QTRT2: variants seen among roughly 807,000 people sequenced by gnomAD.
QTRT2 encodes the protein queuine tRNA-ribosyltransferase domain containing 1.
QTRT2 carries 32 observed loss-of-function variants against 44.8 expected under a neutral mutation model. The observed-to-expected ratio is 0.71, with a 90% CI of 0.54 to 0.96. QTRT2 has a LOEUF of 0.96. QTRT2 is among the 40% of genes least tolerant of loss of function. QTRT2 has a pLI of 0.00. For missense variants in QTRT2, 461 were observed against 503.1 expected (o/e 0.92, Z 0.80); for synonymous variants, 182 against 187.4 (o/e 0.97, Z 0.24).
intron 8 of QTRT2, among the ~76,000 whole-genome samples, chr3:114,081,716 G>A (rs1363016643): frequency 6.6e-6 from 1 of 152,148 alleles, no homozygotes. Context: ...GGGATTACAG[G>A]CATGAGCCAC....
At chr3:114,075,270 G>T (rs1051374717) in intron 6 of QTRT2, among the ~76,000 whole-genome samples, 1 of 151,992 alleles carries the variant, frequency 6.6e-6, no homozygotes, top group Non-Finnish European at 1.5e-5. Context: ...TTCCAATTTT[G>T]CATTACCTTA....
intron 6 of QTRT2, among the ~76,000 whole-genome samples, chr3:114,075,247 G>C (rs191230076): frequency 1.1e-3 from 175 of 152,228 alleles, no homozygotes; most frequent in African/African-American, 3.9e-3. Context: ...GGGCAAAAAT[G>C]GTATCTCGTT....
chr3:114,076,442 G>A (rs1394149406), intron 6 of QTRT2, among the ~76,000 whole-genome samples: 3 of 152,180 alleles, frequency 2.0e-5, no homozygotes, highest in Non-Finnish European at 4.4e-5. Flanking sequence ...AAAGTGCTGG[G>A]ATTACAGGCC....
chr3:114,064,391 G>A (rs190083043), intron 2 of QTRT2, among the ~76,000 whole-genome samples: 14 of 152,258 alleles, frequency 9.2e-5, no homozygotes, highest in Admixed American at 6.5e-4. Flanking sequence ...ACATTTAGCC[G>A]ATGATGTGTG....
At chr3:114,058,186 A>G (rs942799774) in intron 2 of QTRT2, among the ~76,000 whole-genome samples, 3 of 152,346 alleles carry the variant, frequency 2.0e-5, no homozygotes, top group South Asian at 4.1e-4. Context: ...GTTAGTTGCT[A>G]TTATTGTCTT....
At chr3:114,062,754 G>A (rs1213840141) in intron 2 of QTRT2, among the ~76,000 whole-genome samples, 3 of 152,132 alleles carry the variant, frequency 2.0e-5, no homozygotes, top group Non-Finnish European at 4.4e-5. Flanking sequence ...AGAAACGAGA[G>A]CATAAATTTG....
chr3:114,076,673 A>G (rs2077094792), intron 6 of QTRT2, 70 bp from the exon 7 acceptor site: 1 of 1,463,348 alleles, frequency 6.8e-7, no homozygotes, highest in Non-Finnish European at 9.6e-7. Flanking sequence ...TTGGACTTCC[A>G]TGTAAGGTTC....
Position 114,066,296 on chromosome 3 carries a change from T to C in QTRT2, c.256+13T>C. ...GGAAAGTTTATAGGTAAAAATTAAG[T>C]TACTTATATGTGCCTTGTGATGTGT... On this transcript the variant is annotated intron_variant, in intron 4 of 9. Transcript: ENST00000281273. The C allele has an allele frequency of 1.3e-6, 2 of 1,520,174 alleles. No homozygotes were observed. The highest frequency in any genetic ancestry group is 9.1e-7 in the Non-Finnish European group (1 of 1,095,936). 94.2% of individuals were successfully genotyped at this position (1,520,174 alleles called of 1,614,324 possible).
At chr3:114,075,033 A>G (rs1386197233) in intron 6 of QTRT2, among the ~76,000 whole-genome samples, 2 of 152,200 alleles carry the variant, frequency 1.3e-5, no homozygotes, top group African/African-American at 4.8e-5. Flanking sequence ...GCACATGTGA[A>G]TGAGTATAGG....
chr3:114,083,849 G>T (rs2077199646), intron 9 of QTRT2, among the ~76,000 whole-genome samples: 1 of 151,596 alleles, frequency 6.6e-6, no homozygotes, highest in Non-Finnish European at 1.5e-5. Context: ...TTTTTTTTCT[G>T]TCATCCACTG....
rs148656148 is a variant in QTRT2 at position 114,071,639 on chromosome 3, A to G, written c.546+801A>G. Among the ~76,000 whole-genome samples, 1,032 of 152,116 alleles carry G rather than the reference A, an allele frequency of 6.8e-3. 10 individuals carry two copies. The highest frequency in any genetic ancestry group is 7.8e-3 in the Non-Finnish European group (529 of 67,988). On this transcript the variant is annotated intron_variant, in intron 6 of 9. Transcript: ENST00000281273. ...TTCAAGACTCCTTTTTTTCATTCAC[A>G]TTTAATATCCCACTGTTCACTCTTC...
intron 8 of QTRT2, among the ~76,000 whole-genome samples, chr3:114,082,311 G>C (rs528328482): frequency 6.6e-6 from 1 of 151,466 alleles, no homozygotes; most frequent in South Asian, 2.1e-4. Context: ...GTGTACTCCT[G>C]ACCTCAGGCA....
intron 5 of QTRT2, 78 bp downstream of exon 5, chr3:114,068,141 G>A: frequency 1.8e-6 from 2 of 1,110,980 alleles, no homozygotes; most frequent in Non-Finnish European, 1.4e-6. Flanking sequence ...CAGATGCTCA[G>A]ATCCCACTGT....
At chr3:114,068,162 C>T (rs1157445793) in intron 5 of QTRT2, 99 bp downstream of exon 5, 1 of 925,374 alleles carries the variant, frequency 1.1e-6, no homozygotes, top group Admixed American at 1.8e-5. Context: ...CTGGGATGAT[C>T]CCTTATACCT....
intron 8 of QTRT2, 30 bp from the exon 9 acceptor site, chr3:114,082,647 T>C (rs1432143083): frequency 1.1e-6 from 1 of 875,212 alleles, no homozygotes; most frequent in East Asian, 2.6e-5. Context: ...CTGATCATCA[T>C]TCAAGCCTTT....
chr3:114,070,051 A>T (rs1208029785), intron 5 of QTRT2, among the ~76,000 whole-genome samples: 1 of 152,178 alleles, frequency 6.6e-6, no homozygotes, highest in Non-Finnish European at 1.5e-5. Context: ...TGAGTGATCG[A>T]TTATGTCCAG....
At position 114,079,942 on chromosome 3, in the gene QTRT2, C is replaced by T. The variant is rs138101918; in HGVS notation, c.783C>T (p.Leu261=). Residue 261 remains leucine (L), a synonymous_variant, in exon 8 of 10, where the codon CTC becomes CTT. Coordinates refer to ENST00000281273, the MANE Select transcript of QTRT2 (RefSeq NM_024638.4). The part of the protein sequence containing the change: ...ISGVSRPDEV[L]ECIERGVDLF... ...GTGTTAGTCGGCCAGATGAGGTGCTCGAGTGTATTGAAAGAGGAGTGGACT... is the reference window on the plus strand; with the variant it reads ...GTGTTAGTCGGCCAGATGAGGTGCTTGAGTGTATTGAAAGAGGAGTGGACT... 3,882 of 1,613,654 alleles carry T rather than the reference C, an allele frequency of 2.4e-3. 7 individuals carry two copies. Among genetic ancestry groups the T allele is most frequent in the Non-Finnish European group, 3.0e-3 (3,595 of 1,179,776 alleles).
chr3:114,083,505 C>T (rs1427085425), intron 9 of QTRT2, among the ~76,000 whole-genome samples: 50 of 152,138 alleles, frequency 3.3e-4, no homozygotes, highest in Admixed American at 3.1e-3. Flanking sequence ...ATTAGGAATA[C>T]GGAACCTATA....
intron 9 of QTRT2, among the ~76,000 whole-genome samples, chr3:114,084,067 T>C (rs1490644564): frequency 6.6e-6 from 1 of 150,878 alleles, no homozygotes; most frequent in African/African-American, 2.4e-5. Context: ...TTTCTTTTTT[T>C]TTTTTTTTTG....
Sources: allele counts gnomAD v4.1 joint callset (sites outside exome capture counted in the v4.1 genomes callset), GRCh38; gene constraint gnomAD v4.1.1; transcripts MANE v1.5; gene names NCBI Gene and HGNC (gene_info 2026-07-23, HGNC 2026-07-21).